Variants in ZFR2 observed in about 807,000 individuals in gnomAD.
ZFR2 encodes zinc finger RNA-binding protein 2.
In ZFR2, 104 loss-of-function variants were observed where a neutral mutation model predicts 105.7. That is an observed-to-expected ratio of 0.98 (90% CI 0.84 to 1.16). ZFR2 has a LOEUF of 1.16. Among genes scored for constraint, ZFR2 ranks in the 50% most tolerant of loss-of-function variants. ZFR2 has a pLI of 0.00. For missense variants in ZFR2, 1,425 were observed against 1,355.5 expected (o/e 1.05, Z -0.80); for synonymous variants, 634 against 597.7 (o/e 1.06, Z -0.89).
intron 16 of ZFR2, among the ~76,000 whole-genome samples, chr19:3,810,173 G>C (rs1490571051): frequency 6.6e-6 from 1 of 152,208 alleles, no homozygotes; most frequent in Non-Finnish European, 1.5e-5. Flanking sequence ...GCAGGGCGGG[G>C]GGGAGGCCGG....
At chr19:3,817,551 T>G (rs2037838080) in intron 12 of ZFR2, among the ~76,000 whole-genome samples, 1 of 141,916 alleles carries the variant, frequency 7.0e-6, no homozygotes, top group African/African-American at 2.6e-5. Context: ...AGAGCAAGAC[T>G]CCATCTCAAA....
At position 3,837,696 on chromosome 19, in the gene ZFR2, C is replaced by G. The variant is rs371390679; in HGVS notation, c.54-2713G>C. On this transcript the variant is annotated intron_variant, in intron 1 of 18. Coordinates refer to ENST00000262961, the MANE Select transcript of ZFR2 (RefSeq NM_015174.2). Reference sequence around the variant, plus strand: ...CTCGATGAACACTGTGACCGTGACACTCAATGAACACCGTGACCATGACAC... The same window carrying G: ...CTCGATGAACACTGTGACCGTGACAGTCAATGAACACCGTGACCATGACAC... 1.1e-4 allele frequency among the ~76,000 whole-genome samples: 17 copies of G among 152,030 alleles called. No homozygotes were observed. The South Asian group carries it at 3.5e-3, about 32-fold the overall frequency.
At chr19:3,825,153 G>T in intron 7 of ZFR2, 77 bp downstream of exon 7, 1 of 1,384,664 alleles carries the variant, frequency 7.2e-7, no homozygotes, top group Non-Finnish European at 9.3e-7. Flanking sequence ...CGACTGGATG[G>T]TAGATTTTCT....
intron 5 of ZFR2, among the ~76,000 whole-genome samples, chr19:3,830,608 G>A (rs568375061): frequency 1.3e-5 from 2 of 152,228 alleles, no homozygotes; most frequent in East Asian, 3.9e-4. Flanking sequence ...CTGGGTCAGG[G>A]GTCCTGATAA....
intron 1 of ZFR2, among the ~76,000 whole-genome samples, chr19:3,867,014 T>G (rs532996224): frequency 3.3e-5 from 5 of 152,220 alleles, no homozygotes; most frequent in South Asian, 2.1e-4. Context: ...CTCTTTGTGA[T>G]TCCATTAGAA....
At chr19:3,810,084 C>T (rs1243387306) in intron 16 of ZFR2, among the ~76,000 whole-genome samples, 1 of 152,088 alleles carries the variant, frequency 6.6e-6, no homozygotes, top group African/African-American at 2.4e-5. Context: ...CACACAGGCC[C>T]AGTGGGAGGG....
chr19:3,857,233 G>A (rs191504782), intron 1 of ZFR2, among the ~76,000 whole-genome samples: 4 of 151,444 alleles, frequency 2.6e-5, no homozygotes, highest in East Asian at 2.0e-4. Flanking sequence ...GACTACAGGC[G>A]CACCCCACCA....
intron 18 of ZFR2, 54 bp downstream of exon 18, chr19:3,807,105 ACACTGCACAGCTG>A: frequency 8.1e-7 from 1 of 1,236,338 alleles, no homozygotes; most frequent in Non-Finnish European, 1.1e-6. Flanking sequence ...ATTTCGGGGA[ACACTGCACAGCTG>A]CAAGCCGGAG....
At chr19:3,854,347 C>T (rs1262614252) in intron 1 of ZFR2, among the ~76,000 whole-genome samples, 2 of 151,864 alleles carry the variant, frequency 1.3e-5, no homozygotes, top group Non-Finnish European at 2.9e-5. Context: ...GAGTTGAGAT[C>T]GCACCACTGC....
chr19:3,839,426 A>G (rs2038111605), intron 1 of ZFR2, among the ~76,000 whole-genome samples: 1 of 151,542 alleles, frequency 6.6e-6, no homozygotes, highest in Non-Finnish European at 1.5e-5. Flanking sequence ...CCAGCTACTC[A>G]GGAGGCTGAG....
At chr19:3,850,686 A>G (rs531035175) in intron 1 of ZFR2, among the ~76,000 whole-genome samples, 2 of 151,642 alleles carry the variant, frequency 1.3e-5, no homozygotes, top group Admixed American at 1.3e-4. Flanking sequence ...GTTAGACATC[A>G]GCCTGGGCAA....
Position 3,811,248 on chromosome 19 carries a change from C to T in ZFR2, c.2337+24G>A, listed in dbSNP as rs770642688. 5 of 1,540,796 alleles carry T rather than the reference C, an allele frequency of 3.2e-6. No individual in the cohort carries two copies. In the African/African-American group the frequency reaches 6.9e-5, roughly 21 times the overall value. ...GTTCCTCAAAGTCACCCCTCTCCCC[C>T]TGCTCCACCCCTGCCCCCCTGACCT... On this transcript the variant is annotated intron_variant, in intron 15 of 18. Coordinates refer to ENST00000262961, the MANE Select transcript of ZFR2 (RefSeq NM_015174.2).
At chr19:3,845,951 AATAC>A (rs532360514) in intron 1 of ZFR2, among the ~76,000 whole-genome samples, 40 of 152,292 alleles carry the variant, frequency 2.6e-4, no homozygotes, top group Admixed American at 9.2e-4. Flanking sequence ...TCATGTCCAT[AATAC>A]ACTGAAATGA....
In ZFR2 at chr19:3,823,297, A is replaced by G; in HGVS notation, c.1320T>C (p.Ala440=). Residue 440 remains alanine (A), a synonymous_variant, in exon 8 of 19, where the codon GCT becomes GCC. Coordinates refer to ENST00000262961, the MANE Select transcript of ZFR2 (RefSeq NM_015174.2). This position sits in a 1 kb window ranked among gnomAD's most constrained non-coding sequence, Gnocchi z 5.4. ...GAPTQGGSKE[A]PAGCSDAQPV... ...GCTGCGCATCAGAGCAGCCCGCGGG[A>G]GCTTCCTTTGAGCCTCCTTGGGTAG... The G allele has an allele frequency of 6.2e-7, 1 of 1,613,954 alleles. No homozygotes were observed. The highest frequency in any genetic ancestry group is 8.5e-7 in the Non-Finnish European group (1 of 1,179,880).
chr19:3,810,919 G>T, intron 15 of ZFR2, 74 bp from the exon 16 acceptor site: 6 of 1,487,060 alleles, frequency 4.0e-6, no homozygotes, highest in South Asian at 1.2e-5. Flanking sequence ...GCTCTGTCGT[G>T]AGCGTGAACC....
intron 5 of ZFR2, 147 bp downstream of exon 5, chr19:3,831,156 C>A: frequency 8.5e-7 from 1 of 1,176,032 alleles, no homozygotes; most frequent in Non-Finnish European, 1.2e-6. Context: ...CTTGCACACA[C>A]AGGCCATGCA....
chr19:3,848,832 A>G (rs1264496360), intron 1 of ZFR2, among the ~76,000 whole-genome samples: 1 of 151,520 alleles, frequency 6.6e-6, no homozygotes, highest in South Asian at 2.1e-4. Flanking sequence ...TCCACTAAAA[A>G]TACAAAAAAA....
At chr19:3,815,754 T>C (rs570584475) in intron 13 of ZFR2, among the ~76,000 whole-genome samples, 1 of 111,174 alleles carries the variant, frequency 9.0e-6, no homozygotes, top group Admixed American at 1.2e-4. Flanking sequence ...CAGCTAATTT[T>C]TTTTTTTTTT....
At chr19:3,845,271 C>G (rs1038537439) in intron 1 of ZFR2, among the ~76,000 whole-genome samples, 1 of 152,076 alleles carries the variant, frequency 6.6e-6, no homozygotes, top group Non-Finnish European at 1.5e-5. Flanking sequence ...CAACTGCACC[C>G]TAGACTGGGC....
Sources: gnomAD v4.1 joint callset for allele counts (sites outside exome capture counted in the v4.1 genomes callset) on GRCh38, gnomAD v4.1.1 for gene constraint, Gnocchi (gnomAD v3.1) non-coding constraint, MANE v1.5 for transcripts, NCBI Gene and HGNC (gene_info 2026-07-23, HGNC 2026-07-21) for gene names.